Variants in EYS observed in about 807,000 individuals in gnomAD.
The protein encoded by EYS is protein eyes shut homolog.
A neutral mutation model predicts 282.1 loss-of-function variants in EYS; 250 were observed. The ratio of observed to expected loss-of-function variants is 0.89; its 90% CI spans 0.80 to 0.98. The LOEUF (loss-of-function observed/expected upper bound fraction) is 0.98, where lower values mean the gene tolerates loss of function less well. Among genes scored for constraint, EYS ranks in the 50% least tolerant of loss-of-function variants. EYS has a pLI of 0.00. For synonymous variants in EYS, 1,355 were observed against 1,282.9 expected, an observed-to-expected ratio of 1.06 and a Z score of -1.20; for missense variants, 4,016 against 3,709.0, an observed-to-expected ratio of 1.08 and a Z score of -2.15.
chr6:65,198,453 C>T (rs986997544), intron 12 of EYS, among the ~76,000 whole-genome samples: 1 of 152,054 alleles, frequency 6.6e-6, no homozygotes, highest in African/African-American at 2.4e-5. Context: ...GTGTACTTTG[C>T]AGAATGGTAT....
intron 31 of EYS, among the ~76,000 whole-genome samples, chr6:64,192,293 G>C (rs1434100455): frequency 6.6e-6 from 1 of 152,044 alleles, no homozygotes; most frequent in South Asian, 2.1e-4. Context: ...TGTTCACTCT[G>C]ATGGTAGTTT....
intron 28 of EYS, among the ~76,000 whole-genome samples, chr6:64,411,813 A>G (rs1773900422): frequency 8.3e-6 from 1 of 119,990 alleles, no homozygotes; most frequent in Non-Finnish European, 1.9e-5. Context: ...ACGAGTGTAT[A>G]TGAATATACA....
At chr6:63,822,593 A>G (rs1435091340) in intron 36 of EYS, 1 of 152,262 alleles carries the variant, frequency 6.6e-6, no homozygotes, top group Non-Finnish European at 1.5e-5. Flanking sequence ...AAGACAAAGT[A>G]AAGTTGTTTT....
intron 16 of EYS, among the ~76,000 whole-genome samples, chr6:64,905,539 G>A (rs938283097): frequency 6.6e-6 from 1 of 152,080 alleles, no homozygotes; most frequent in Non-Finnish European, 1.5e-5. Flanking sequence ...AAATACACAC[G>A]AATGGTCAGT....
chr6:64,674,426 T>C (rs1028810103), intron 22 of EYS, among the ~76,000 whole-genome samples: 42 of 152,076 alleles, frequency 2.8e-4, no homozygotes, highest in Admixed American at 2.6e-4. Context: ...TCAGGATCTC[T>C]ATTTATACAG....
At chr6:65,544,334 G>A (rs886479044) in intron 2 of EYS, among the ~76,000 whole-genome samples, 7 of 152,124 alleles carry the variant, frequency 4.6e-5, no homozygotes, top group Non-Finnish European at 4.4e-5. Context: ...AGTTGCATCT[G>A]GCCGGTAACT....
chr6:64,502,252 GTTTT>G (rs71551592), intron 26 of EYS, among the ~76,000 whole-genome samples: 2 of 150,882 alleles, frequency 1.3e-5, no homozygotes, highest in African/African-American at 4.9e-5. Context: ...GTTTTGTTTT[GTTTT>G]TTTTGCCGGA....
intron 36 of EYS, among the ~76,000 whole-genome samples, chr6:63,820,180 G>A (rs1353569605): frequency 6.6e-6 from 1 of 152,188 alleles, no homozygotes; most frequent in Non-Finnish European, 1.5e-5. Flanking sequence ...ACAGTCTGAT[G>A]AGGGTGGTTT....
Position 65,182,647 on chromosome 6 carries a change from TTTTG to T in EYS, c.2023+113212_2023+113215del, listed in dbSNP as rs376359111. 3.5e-4 allele frequency among the ~76,000 whole-genome samples: 53 copies of T among 152,098 alleles called. No individual in the cohort carries two copies. In the South Asian group the frequency reaches 7.9e-3, roughly 23 times the overall value. Reference sequence around the variant, plus strand: ...ATCCTCACAAATCTATTAGTCTCAATTTTGTTTAATTGGTTTTTTTTGTAGTAGA... The same window carrying T: ...ATCCTCACAAATCTATTAGTCTCAATTTTAATTGGTTTTTTTTGTAGTAGA... On this transcript the variant is annotated intron_variant, in intron 12 of 42. Coordinates refer to ENST00000503581, the MANE Select transcript of EYS (RefSeq NM_001142800.2).
chr6:64,148,922 A>G (rs9362475), intron 31 of EYS, among the ~76,000 whole-genome samples: 35,541 of 152,054 alleles, frequency 0.23, 4,761 homozygotes, highest in East Asian at 0.45. Context: ...AACCCAGGAG[A>G]AAATGAAAAT....
chr6:65,469,674 C>T (rs898075747), intron 5 of EYS, among the ~76,000 whole-genome samples: 1 of 151,912 alleles, frequency 6.6e-6, no homozygotes, highest in Non-Finnish European at 1.5e-5. Flanking sequence ...GAAAGAGGGA[C>T]ATTTTGCCAT....
intron 12 of EYS, among the ~76,000 whole-genome samples, chr6:65,172,575 T>TGA (rs1174928079): frequency 4.6e-5 from 7 of 151,402 alleles, no homozygotes; most frequent in African/African-American, 1.7e-4. Context: ...CAAATTTATA[T>TGA]TAAAAATTCA....
intron 33 of EYS, among the ~76,000 whole-genome samples, chr6:64,058,493 A>T (rs1771060062): frequency 6.6e-6 from 1 of 152,176 alleles, no homozygotes; most frequent in Admixed American, 6.5e-5. Flanking sequence ...AGCTAGGGGG[A>T]CTACAGAAGT....
At chr6:64,848,228 T>C (rs1765775574) in intron 19 of EYS, among the ~76,000 whole-genome samples, 1 of 152,024 alleles carries the variant, frequency 6.6e-6, no homozygotes, top group Admixed American at 6.6e-5. Flanking sequence ...TCATGTAACT[T>C]TTCCTCTTTC....
chr6:65,401,561 G>A (rs1447152371), intron 7 of EYS, among the ~76,000 whole-genome samples: 2 of 151,672 alleles, frequency 1.3e-5, no homozygotes, highest in African/African-American at 4.8e-5. Context: ...AAATTTGACA[G>A]AATGGATTAC....
chr6:64,893,933 A>T (rs1767372298), intron 18 of EYS, among the ~76,000 whole-genome samples: 1 of 152,036 alleles, frequency 6.6e-6, no homozygotes, highest in Non-Finnish European at 1.5e-5. Context: ...ACTCCTATGC[A>T]TGCATTCAAT....
chr6:64,191,637 G>A (rs1230378832), intron 31 of EYS, among the ~76,000 whole-genome samples: 1 of 152,132 alleles, frequency 6.6e-6, no homozygotes, highest in African/African-American at 2.4e-5. Context: ...TTTCATCCAT[G>A]TCCCTACAAA....
At chr6:64,736,480 T>A (rs370321449) in intron 22 of EYS, among the ~76,000 whole-genome samples, 4 of 152,184 alleles carry the variant, frequency 2.6e-5, no homozygotes, top group East Asian at 1.9e-4. Context: ...GCACTAACTC[T>A]ATGACTCAGT....
intron 14 of EYS, among the ~76,000 whole-genome samples, chr6:64,996,690 A>C (rs1228421737): frequency 4.6e-5 from 7 of 152,196 alleles, no homozygotes; most frequent in Non-Finnish European, 1.0e-4. Flanking sequence ...TTATTCCATT[A>C]GGTATCTGCA....
Sources: allele counts gnomAD v4.1 joint callset (sites outside exome capture counted in the v4.1 genomes callset), GRCh38; gene constraint gnomAD v4.1.1; transcripts MANE v1.5; gene names NCBI Gene and HGNC (gene_info 2026-07-23, HGNC 2026-07-21).